The following ZMYM5 variants were observed in gnomAD, a reference collection of about 807,000 sequenced individuals.
ZMYM5 encodes the protein zinc finger MYM-type containing 5, also known as zinc finger MYM-type protein 5.
A neutral mutation model predicts 61.8 loss-of-function variants in ZMYM5; 41 were observed. The observed-to-expected ratio is 0.66, with a 90% confidence interval of 0.52 to 0.86. ZMYM5 has a LOEUF of 0.86. Ranked by LOEUF, ZMYM5 falls within the 40% of genes least tolerant of loss-of-function variation. The pLI, the probability that ZMYM5 is intolerant of heterozygous loss-of-function variation, is 0.00. For missense variants in ZMYM5, 706 were observed against 786.7 expected (o/e 0.90, Z 1.23); for synonymous variants, 257 against 276.4 (o/e 0.93, Z 0.70).
At chr13:19,829,979 AGAT>A (rs1891121031) in intron 7 of ZMYM5, among the ~76,000 whole-genome samples, 2 of 152,158 alleles carry the variant, frequency 1.3e-5, no homozygotes, top group Admixed American at 1.3e-4. Flanking sequence ...TTCTTGGACA[AGAT>A]GATTATTTGT....
rs139602057 is a variant in ZMYM5, at chr13:19,828,205, G to A, written c.1252-2970C>T. Among the ~76,000 whole-genome samples the A allele has an allele frequency of 6.2e-3, 951 of 152,210 alleles. 15 individuals carry two copies. The highest frequency in any genetic ancestry group is 0.021 in the African/African-American group (872 of 41,522). On this transcript the variant is annotated intron_variant, in intron 7 of 7. Transcript: ENST00000337963. ...TGCAGAGGTGTGGGCCAGGTGCGGT[G>A]GCTCACGCCTGTAATCCCAGGACTT...
chr13:19,837,694 T>G lies in ZMYM5; in HGVS notation c.1000A>C (p.Asn334His). 6.3e-7 allele frequency: 1 copy of G among 1,579,056 alleles called. No homozygotes were observed. The highest frequency in any genetic ancestry group is 2.1e-5 in the Admixed American group (1 of 47,616). Residue 334 changes from asparagine to histidine, a missense_variant, in exon 6 of 8, where the codon AAT (asparagine) becomes CAT (histidine). Around this residue, in one of 2 missense-constraint regions of ZMYM5, gnomAD observed 480 missense variants for 461.7 expected, o/e 1.04. Coordinates refer to ENST00000337963, the MANE Select transcript of ZMYM5 (RefSeq NM_001142684.2). ...NNWNLKKGVF[N>H]KSRCTICSKL... ...CTACAAATTGTACATCTTGACTTAT[T>G]AAAAACTCCTTTTTTAAGATTCCAG...
intron 7 of ZMYM5, among the ~76,000 whole-genome samples, chr13:19,832,547 G>A (rs1191412167): frequency 2.0e-5 from 3 of 152,010 alleles, no homozygotes; most frequent in East Asian, 1.9e-4. Flanking sequence ...GGCTGGTCTC[G>A]AACTCCTGAA....
rs752916575 is a variant in ZMYM5, at chr13:19,835,570, G to A, written c.1158C>T (p.Tyr386=). ...IMNCCEHCGE[Y]MPSKSTGNNI... Reference sequence around the variant, plus strand: ...TGTTTCCAGTACTCTTACTAGGCATGTACTCTCCACAGTGTTCACAGCAGT... The same window carrying A: ...TGTTTCCAGTACTCTTACTAGGCATATACTCTCCACAGTGTTCACAGCAGT... The change falls in exon 7 of 8, where the codon TAC becomes TAT. Residue 386 remains tyrosine, a synonymous_variant. Coordinates refer to ENST00000337963, the MANE Select transcript of ZMYM5 (RefSeq NM_001142684.2). 7.3e-7 allele frequency: 1 copy of A among 1,367,640 alleles called. No individual in the cohort carries two copies. The highest frequency in any genetic ancestry group is 9.8e-7 in the Non-Finnish European group (1 of 1,021,838). The allele number at this position is 1,367,640 out of a possible 1,614,324, so 84.7% of individuals were successfully genotyped here.
chr13:19,834,641 G>A (rs1952621294), intron 7 of ZMYM5, among the ~76,000 whole-genome samples: 2 of 152,146 alleles, frequency 1.3e-5, no homozygotes, highest in South Asian at 4.1e-4. Flanking sequence ...CTTAGTGGGA[G>A]TGCTAAATGG....
At chr13:19,851,569 G>A in intron 3 of ZMYM5, 120 bp downstream of exon 3, 3 of 1,535,530 alleles carry the variant, frequency 2.0e-6, no homozygotes, top group Non-Finnish European at 2.7e-6. Context: ...TAATAATTAT[G>A]TTCACATCTT....
chr13:19,856,004 C>A (rs1430327224), intron 2 of ZMYM5, among the ~76,000 whole-genome samples: 1 of 150,920 alleles, frequency 6.6e-6, no homozygotes, highest in African/African-American at 2.4e-5. Flanking sequence ...GGAGACAGAG[C>A]GAGATTCCAT....
Position 19,852,091 on chromosome 13 carries a change from G to C in ZMYM5, c.90C>G (p.Asp30Glu). The change falls in exon 3 of 8, where the codon GAC becomes GAG. Residue 30 changes from aspartate (D) to glutamate (E), a missense_variant. Physicochemically the swap from Asp to Glu is conservative, Grantham distance 45 (BLOSUM62 2). This residue lies in a region of ZMYM5 where 480 missense variants were observed against 461.7 expected (regional missense o/e 1.04). Transcript: ENST00000337963. ...GNMAMATSLM[D>E]IGDSFGHPAC... ...CTGGATGACCAAATGAATCCCCTAT[G>C]TCCATGAGACTAGTTGCCATGGCCA... 6.2e-7 allele frequency: 1 copy of C among 1,613,740 alleles called. No individual in the cohort carries two copies. The highest frequency in any genetic ancestry group is 1.1e-5 in the South Asian group (1 of 91,084).
At chr13:19,831,891 T>G (rs1335817017) in intron 7 of ZMYM5, among the ~76,000 whole-genome samples, 1 of 150,744 alleles carries the variant, frequency 6.6e-6, no homozygotes, top group Non-Finnish European at 1.5e-5. Flanking sequence ...AGTCTTGCTC[T>G]GTCACCCAGG....
chr13:19,851,586 C>A, intron 3 of ZMYM5, 103 bp downstream of exon 3: 1 of 1,545,096 alleles, frequency 6.5e-7, no homozygotes, highest in Non-Finnish European at 8.8e-7. Context: ...TCTTGCCCAG[C>A]ATTCACAGAG....
In ZMYM5 at chr13:19,844,902, C is replaced by T. The variant is rs144733488; in HGVS notation, c.587-5917G>A. On this transcript the variant is annotated intron_variant, in intron 4 of 7. Transcript: ENST00000337963. ...CCTCCCAAAGTGCTGGGATTATAGG[C>T]GTCAGCCATCGCACCCCGCTGAAAC... 2.1e-3 allele frequency among the ~76,000 whole-genome samples: 325 copies of T among 152,272 alleles called. 1 individual carries two copies. The highest frequency in any genetic ancestry group is 0.014 in the Middle Eastern group (4 of 294).
Position 19,824,989 on chromosome 13 carries a change from A to G in ZMYM5, c.1498T>C (p.Phe500Leu), listed in dbSNP as rs372670658. The change falls in exon 8 of 8, where the codon TTT becomes CTT. Residue 500 changes from phenylalanine to leucine, a missense_variant. Around this residue, in one of 2 missense-constraint regions of ZMYM5, gnomAD observed 226 missense variants for 325.0 expected, o/e 0.70. Transcript: ENST00000337963. ...TTTTTCTCTTCCAGTTGCTCTTGAA[A>G]TGTATCAGCTATGGTTGACGTGGAA... ...PSSTSTIADT[F>L]QEQLEEKNFE... 7.3e-7 allele frequency: 1 copy of G among 1,367,334 alleles called. No individual in the cohort carries two copies. The highest frequency in any genetic ancestry group is 9.8e-7 in the Non-Finnish European group (1 of 1,021,730). The allele number at this position is 1,367,334 out of a possible 1,614,324, so 84.7% of individuals were successfully genotyped here. A position where few individuals can be genotyped will look rare whatever the true frequency, so the allele number is the denominator to read the frequency against.
At chr13:19,840,184 T>C (rs1351977827) in intron 4 of ZMYM5, among the ~76,000 whole-genome samples, 2 of 152,204 alleles carry the variant, frequency 1.3e-5, no homozygotes, top group Non-Finnish European at 2.9e-5. Flanking sequence ...ATGCCTATAA[T>C]CCCAGCACTT....
intron 2 of ZMYM5, among the ~76,000 whole-genome samples, chr13:19,859,972 C>A (rs1953668849): frequency 6.7e-6 from 1 of 149,364 alleles, no homozygotes; most frequent in South Asian, 2.1e-4. Flanking sequence ...AACGTGGTGG[C>A]ATGTACCTAT....
intron 5 of ZMYM5, among the ~76,000 whole-genome samples, chr13:19,838,238 C>T (rs7993830): frequency 0.099 from 15,040 of 151,944 alleles, 876 homozygotes; most frequent in African/African-American, 0.16. Context: ...ATTAGCTGGG[C>T]GTGGTGGCGC....
rs1165792443 is a variant in ZMYM5, at chr13:19,824,343, C to G, written c.*134G>C. 9 of 640,570 alleles carry G rather than the reference C, an allele frequency of 1.4e-5. No individual in the cohort carries two copies. The allele number at this position is 640,570 out of a possible 1,614,324, so 39.7% of individuals were successfully genotyped here. A position where few individuals can be genotyped will look rare whatever the true frequency, so the allele number is the denominator to read the frequency against. ...TCTTTGCTATTTATTTGCTATCATA[C>G]TTATTGCTAAGGAACTGCTGCAAGT... On this transcript the variant is annotated 3_prime_UTR_variant, in exon 8 of 8. Coordinates refer to ENST00000337963, the MANE Select transcript of ZMYM5 (RefSeq NM_001142684.2).
At chr13:19,847,169 G>A (rs1165876874) in intron 4 of ZMYM5, among the ~76,000 whole-genome samples, 4 of 152,016 alleles carry the variant, frequency 2.6e-5, no homozygotes, top group South Asian at 4.2e-4. Flanking sequence ...GGCTGGTCTC[G>A]AACTCCCAGC....
intron 7 of ZMYM5, among the ~76,000 whole-genome samples, chr13:19,834,166 C>T (rs1346627212): frequency 2.0e-5 from 3 of 151,944 alleles, no homozygotes; most frequent in Non-Finnish European, 4.4e-5. Context: ...TTAGTAGAGA[C>T]GGGGTTTCGC....
At chr13:19,858,868 C>T (rs937905443) in intron 2 of ZMYM5, among the ~76,000 whole-genome samples, 2 of 152,088 alleles carry the variant, frequency 1.3e-5, no homozygotes, top group African/African-American at 4.8e-5. Context: ...TGGGCAGATG[C>T]TAAGAAAAGA....
Sources: gnomAD v4.1 joint callset for allele counts (sites outside exome capture counted in the v4.1 genomes callset) on GRCh38, gnomAD v4.1.1 for gene constraint, gnomAD v4.1.1 regional missense constraint, MANE v1.5 for transcripts, NCBI Gene and HGNC (gene_info 2026-07-23, HGNC 2026-07-21) for gene names.